FHIT: variants seen among roughly 807,000 people sequenced by gnomAD.
The protein encoded by FHIT is bis(5'-adenosyl)-triphosphatase.
FHIT carries 19 observed loss-of-function variants against 17.9 expected under a neutral mutation model. The ratio of observed to expected loss-of-function variants is 1.06; its 90% CI spans 0.74 to 1.56. The LOEUF (loss-of-function observed/expected upper bound fraction) is 1.56, where lower values mean the gene tolerates loss of function less well. FHIT is among the 40% of genes most tolerant of loss of function. The pLI, the probability that FHIT is intolerant of heterozygous loss-of-function variation, is 0.00. For missense variants in FHIT, 248 were observed against 189.2 expected (o/e 1.31, Z -1.82); for synonymous variants, 81 against 69.7 (o/e 1.16, Z -0.81).
chr3:60,070,494 G>T (rs1277916646), intron 5 of FHIT, among the ~76,000 whole-genome samples: 1 of 152,186 alleles, frequency 6.6e-6, no homozygotes, highest in East Asian at 1.9e-4. Flanking sequence ...AAGACTTTTT[G>T]AGTTATCTGA....
chr3:60,746,022 TTCAG>T (rs1203376207), intron 4 of FHIT, among the ~76,000 whole-genome samples: 1 of 152,178 alleles, frequency 6.6e-6, no homozygotes, highest in Non-Finnish European at 1.5e-5. Context: ...CAAGCAAGTT[TTCAG>T]TCAAAGTGGG....
At chr3:60,101,549 T>C (rs1704191895) in intron 5 of FHIT, among the ~76,000 whole-genome samples, 1 of 152,362 alleles carries the variant, frequency 6.6e-6, no homozygotes, top group East Asian at 1.9e-4. Flanking sequence ...CGTATTTTTT[T>C]CTTCCTGCTC....
In FHIT at chr3:60,375,989, A is replaced by G. The variant is rs1415777044; in HGVS notation, c.103+160871T>C. Among the ~76,000 whole-genome samples the G allele has an allele frequency of 5.9e-5, 9 of 152,222 alleles. No homozygotes were observed. In the East Asian group the frequency reaches 1.7e-3, roughly 29 times the overall value. On this transcript the variant is annotated intron_variant, in intron 5 of 9. Transcript: ENST00000492590. ...ATTCCTTTTTAATTAATTCAAATTTAAATTAAATTTAAATAGCTACACGTG... is the reference window on the plus strand; with the variant it reads ...ATTCCTTTTTAATTAATTCAAATTTGAATTAAATTTAAATAGCTACACGTG...
chr3:60,203,407 T>G (rs946080534), intron 5 of FHIT, among the ~76,000 whole-genome samples: 3 of 152,212 alleles, frequency 2.0e-5, no homozygotes, highest in African/African-American at 7.2e-5. Context: ...AACAAAGGCA[T>G]GTAAGTCACC....
intron 2 of FHIT, among the ~76,000 whole-genome samples, chr3:61,068,938 T>C (rs967699115): frequency 3.9e-5 from 6 of 152,070 alleles, no homozygotes; most frequent in African/African-American, 7.2e-5. Flanking sequence ...CTGAAATCAC[T>C]CCCTGACTAG....
chr3:61,124,520 T>C (rs2036553279), intron 2 of FHIT, among the ~76,000 whole-genome samples: 1 of 152,168 alleles, frequency 6.6e-6, no homozygotes, highest in South Asian at 2.1e-4. Flanking sequence ...GGTTTCAGGC[T>C]ACCAACATGA....
At chr3:59,938,256 G>C (rs1369536632) in intron 7 of FHIT, among the ~76,000 whole-genome samples, 4 of 152,126 alleles carry the variant, frequency 2.6e-5, no homozygotes, top group Non-Finnish European at 5.9e-5. Context: ...CACCAACAAG[G>C]ATGAACCTGG....
At chr3:59,985,956 A>AG (rs1222710028) in intron 7 of FHIT, among the ~76,000 whole-genome samples, 3 of 152,150 alleles carry the variant, frequency 2.0e-5, no homozygotes, top group Non-Finnish European at 2.9e-5. Context: ...ACAGAGAGAG[A>AG]GAAAAAAAAG....
intron 5 of FHIT, among the ~76,000 whole-genome samples, chr3:60,056,945 C>G (rs188014079): frequency 6.6e-6 from 1 of 152,278 alleles, no homozygotes; most frequent in East Asian, 1.9e-4. Flanking sequence ...GCCACTCTTC[C>G]TGGTCTGGGG....
intron 5 of FHIT, among the ~76,000 whole-genome samples, chr3:60,324,916 A>C (rs1709615864): frequency 6.6e-6 from 1 of 151,854 alleles, no homozygotes; most frequent in East Asian, 1.9e-4. Context: ...AGGCTTTTCT[A>C]TTTTTCTTAG....
Position 60,258,275 on chromosome 3 carries a change from T to C in FHIT, c.104-244123A>G, listed in dbSNP as rs1269742925. Among the ~76,000 whole-genome samples the C allele has an allele frequency of 3.3e-5, 5 of 152,278 alleles. No homozygotes were observed. The East Asian group carries it at 7.7e-4, about 24-fold the overall frequency. On this transcript the variant is annotated intron_variant, in intron 5 of 9. Transcript: ENST00000492590. ...AACGTTCAACTTTACCTGAGCCCTG[T>C]GCTCCCAGAAAACCAGAATTAAGAA...
At chr3:60,123,095 C>T (rs950520634) in intron 5 of FHIT, among the ~76,000 whole-genome samples, 24 of 152,026 alleles carry the variant, frequency 1.6e-4, no homozygotes, top group African/African-American at 5.1e-4. Flanking sequence ...ACTTTTAAAG[C>T]CTATATTAAA....
At chr3:60,573,259 G>A (rs1200079879) in intron 4 of FHIT, among the ~76,000 whole-genome samples, 1 of 152,068 alleles carries the variant, frequency 6.6e-6, no homozygotes, top group African/African-American at 2.4e-5. Flanking sequence ...CTGATCAAAC[G>A]TCCCCTCTGA....
intron 3 of FHIT, among the ~76,000 whole-genome samples, chr3:60,947,597 G>A (rs782374195): frequency 8.6e-5 from 13 of 152,038 alleles, no homozygotes; most frequent in East Asian, 1.9e-4. Context: ...TACAATTTGC[G>A]GCTTAACAAA....
At chr3:60,123,556 G>T (rs1705355035) in intron 5 of FHIT, among the ~76,000 whole-genome samples, 1 of 152,076 alleles carries the variant, frequency 6.6e-6, no homozygotes. Flanking sequence ...ACATATTATA[G>T]AGAATTCTAA....
chr3:61,047,052 AG>A (rs1206580591), intron 2 of FHIT, among the ~76,000 whole-genome samples: 1 of 152,222 alleles, frequency 6.6e-6, no homozygotes, highest in Non-Finnish European at 1.5e-5. Flanking sequence ...AATGGGCAAA[AG>A]CTAGAAGCAT....
chr3:61,111,879 A>G (rs2036168930), intron 2 of FHIT, among the ~76,000 whole-genome samples: 1 of 152,242 alleles, frequency 6.6e-6, no homozygotes, highest in African/African-American at 2.4e-5. Context: ...TCTAGCCAGC[A>G]GAAGTCAGAA....
At chr3:60,168,325 A>G (rs989215609) in intron 5 of FHIT, among the ~76,000 whole-genome samples, 1 of 152,100 alleles carries the variant, frequency 6.6e-6, no homozygotes, top group African/African-American at 2.4e-5. Context: ...TTTACCCTTC[A>G]TTTTCAAGTA....
chr3:60,466,179 A>G (rs1206722568), intron 5 of FHIT, among the ~76,000 whole-genome samples: 6 of 152,046 alleles, frequency 3.9e-5, no homozygotes, highest in African/African-American at 1.4e-4. Context: ...ATTATTTTTC[A>G]GATTGTCCAC....
Sources: gnomAD v4.1 joint callset for allele counts (sites outside exome capture counted in the v4.1 genomes callset) on GRCh38, gnomAD v4.1.1 for gene constraint, MANE v1.5 for transcripts, NCBI Gene and HGNC (gene_info 2026-07-23, HGNC 2026-07-21) for gene names.